The following CRYZL1 variants were observed in gnomAD, a reference collection of about 807,000 sequenced individuals.
CRYZL1 encodes crystallin zeta like 1.
Under a neutral mutation model 50.6 loss-of-function variants are expected in CRYZL1, and 34 were observed. That is an observed-to-expected ratio of 0.67 (90% CI 0.51 to 0.89). CRYZL1 has a LOEUF of 0.89. Among genes scored for constraint, CRYZL1 ranks in the 40% least tolerant of loss-of-function variants. The pLI is 0.00. For missense variants in CRYZL1, 354 were observed against 402.3 expected, an observed-to-expected ratio of 0.88 and a Z score of 1.03; for synonymous variants, 125 against 134.3, an observed-to-expected ratio of 0.93 and a Z score of 0.48.
chr21:33,592,850 G>A (rs2086657208), intron 11 of CRYZL1, among the ~76,000 whole-genome samples: 1 of 151,988 alleles, frequency 6.6e-6, no homozygotes, highest in African/African-American at 2.4e-5. Context: ...TCAAGAGTTC[G>A]AGACCAGCCT....
intron 4 of CRYZL1, chr21:33,617,139 CCCGAGTGGCTGGGACTAATGG>C (rs2086943402): frequency 6.3e-6 from 1 of 159,092 alleles, no homozygotes; most frequent in Admixed American, 6.5e-5. Flanking sequence ...GCCCCAGCCT[CCCGAGTGGCTGGGACTAATGG>C]CATGCACCAT....
chr21:33,592,917 T>G (rs1368278439), intron 11 of CRYZL1, among the ~76,000 whole-genome samples: 1 of 151,884 alleles, frequency 6.6e-6, no homozygotes, highest in Non-Finnish European at 1.5e-5. Context: ...GTGGGCATGG[T>G]GGCATGCGCC....
intron 1 of CRYZL1, among the ~76,000 whole-genome samples, chr21:33,637,684 C>T (rs952610187): frequency 6.7e-5 from 10 of 150,334 alleles, no homozygotes; most frequent in Non-Finnish European, 1.2e-4. Context: ...GTTCAGAGTT[C>T]GGTTATAATG....
At chr21:33,598,459 A>C (rs1360634821) in intron 9 of CRYZL1, among the ~76,000 whole-genome samples, 6 of 152,244 alleles carry the variant, frequency 3.9e-5, no homozygotes, top group Non-Finnish European at 5.9e-5. Flanking sequence ...GCTATTACTT[A>C]AGTGTGTTCA....
At chr21:33,595,496 T>C (rs1175123633) in intron 11 of CRYZL1, 1 of 1,291,386 alleles carries the variant, frequency 7.7e-7, no homozygotes, top group South Asian at 1.3e-5. Context: ...TCCTTGAGTC[T>C]GTATCAACAT....
At position 33,613,599 on chromosome 21, in the gene CRYZL1, C is replaced by T. The variant is rs753282842; in HGVS notation, c.270G>A (p.Leu90=). Residue 90 remains leucine, a synonymous_variant, in exon 6 of 13, where the codon TTG becomes TTA. Transcript: ENST00000381554. The part of the protein sequence containing the change: ...FQPDDEVVGI[L]PLDSEDPGLC... ...GTCCAGGGTCTTCAGAGTCCAGGGG[C>T]AAAATTCCTAAAAATCAAAACAAGA... 1 of 1,611,212 alleles carries T rather than the reference C, an allele frequency of 6.2e-7. No individual in the cohort carries two copies. Among genetic ancestry groups the T allele is most frequent in the Non-Finnish European group, 8.5e-7 (1 of 1,177,632 alleles).
chr21:33,641,289 GA>G (rs747580520), intron 1 of CRYZL1: 1 of 1,549,726 alleles, frequency 6.5e-7, no homozygotes. Flanking sequence ...GCAAAGTGAT[GA>G]GGAAGAAAGA....
intron 3 of CRYZL1, among the ~76,000 whole-genome samples, chr21:33,623,781 C>T (rs147685824): frequency 1.3e-5 from 2 of 152,168 alleles, no homozygotes; most frequent in East Asian, 1.9e-4. Flanking sequence ...AACAAAAAAA[C>T]GGAGTAAATG....
chr21:33,621,402 C>T (rs775834331), intron 4 of CRYZL1, among the ~76,000 whole-genome samples: 33 of 151,156 alleles, frequency 2.2e-4, no homozygotes, highest in Non-Finnish European at 3.4e-4. Flanking sequence ...AGTGCAGTGG[C>T]GCCATCTCGG....
chr21:33,593,081 G>T (rs941090957), intron 11 of CRYZL1, among the ~76,000 whole-genome samples: 2 of 151,446 alleles, frequency 1.3e-5, no homozygotes, highest in African/African-American at 2.4e-5. Flanking sequence ...GAAAGAAAAT[G>T]CAAATTAGCA....
rs552144529 is a variant in CRYZL1 at position 33,637,970 on chromosome 21, G to GCTAGTTATATTTT, written c.-7+3710_-7+3711insAAAATATAACTAG. ...CATTATAATACTAGCTGGATTGTTA[G>GCTAGTTATATTTT]GGGGAAATCTTCAGTTATATTTTGA... is the stretch of plus-strand genomic sequence containing the variant. On this transcript the variant is annotated intron_variant, in intron 1 of 12. Coordinates refer to ENST00000381554, the MANE Select transcript of CRYZL1 (RefSeq NM_145858.3). Among the ~76,000 whole-genome samples the GCTAGTTATATTTT allele has an allele frequency of 9.3e-3, 1,408 of 151,792 alleles. 29 individuals carry two copies. Among genetic ancestry groups the GCTAGTTATATTTT allele is most frequent in the African/African-American group, 0.033 (1,373 of 41,386 alleles).
chr21:33,624,565 CAA>C, intron 3 of CRYZL1, 116 bp downstream of exon 3: 1 of 1,473,894 alleles, frequency 6.8e-7, no homozygotes, highest in South Asian at 1.3e-5. Flanking sequence ...AAAAAATTAA[CAA>C]AAATGAAGAT....
intron 4 of CRYZL1, among the ~76,000 whole-genome samples, chr21:33,621,483 A>C (rs926285885): frequency 6.6e-6 from 1 of 151,890 alleles, no homozygotes; most frequent in African/African-American, 2.4e-5. Context: ...CTGAGACTAC[A>C]GGCGCATGCC....
intron 9 of CRYZL1, 40 bp downstream of exon 9, chr21:33,599,109 TA>T: frequency 6.3e-7 from 1 of 1,582,776 alleles, no homozygotes; most frequent in Non-Finnish European, 8.6e-7. Context: ...TTCATCAAAC[TA>T]AAAAAACTAC....
intron 1 of CRYZL1, among the ~76,000 whole-genome samples, chr21:33,634,792 G>C (rs900019858): frequency 2.0e-5 from 3 of 151,400 alleles, no homozygotes; most frequent in Admixed American, 6.6e-5. Context: ...CAGTCACATG[G>C]ACCTTAGACT....
At chr21:33,623,539 CTA>C (rs963503572) in intron 3 of CRYZL1, among the ~76,000 whole-genome samples, 12 of 152,278 alleles carry the variant, frequency 7.9e-5, no homozygotes, top group Admixed American at 2.6e-4. Flanking sequence ...CAGACAAGGT[CTA>C]GTACTAGTAC....
intron 4 of CRYZL1, among the ~76,000 whole-genome samples, chr21:33,618,370 T>C (rs1483675850): frequency 6.6e-6 from 1 of 152,070 alleles, no homozygotes; most frequent in African/African-American, 2.4e-5. Context: ...ATCAGTCAAT[T>C]CATTTGAGTA....
At chr21:33,602,522 G>C (rs900400692) in intron 7 of CRYZL1, among the ~76,000 whole-genome samples, 177 bp from the exon 8 acceptor site, 6 of 152,174 alleles carry the variant, frequency 3.9e-5, no homozygotes, top group Non-Finnish European at 8.8e-5. Flanking sequence ...GGAAATATTT[G>C]ATTGACTTTC....
Position 33,616,580 on chromosome 21 carries a change from C to T in CRYZL1, c.262+126G>A, listed in dbSNP as rs527946203. ...GTGCTGGGATTACAGACGTGAGCCA[C>T]AGCACCCAGCCGGGAAAGTACTTCT... is the stretch of plus-strand genomic sequence containing the variant. On this transcript the variant is annotated intron_variant, in intron 5 of 12. Transcript: ENST00000381554. 44 of 1,546,914 alleles carry T rather than the reference C, an allele frequency of 2.8e-5. No homozygotes were observed. The South Asian group carries it at 4.8e-4, about 17-fold the overall frequency.
Sources: gnomAD v4.1 joint callset for allele counts (sites outside exome capture counted in the v4.1 genomes callset) on GRCh38, gnomAD v4.1.1 for gene constraint, MANE v1.5 for transcripts, NCBI Gene and HGNC (gene_info 2026-07-23, HGNC 2026-07-21) for gene names.